The following ADCY2 variants were observed in gnomAD, a reference collection of about 807,000 sequenced individuals.
ADCY2 encodes the protein adenylate cyclase type 2.
In ADCY2, 31 loss-of-function variants were observed where a neutral mutation model predicts 125.2. That is an observed-to-expected ratio of 0.25 (90% CI 0.19 to 0.33). The LOEUF (loss-of-function observed/expected upper bound fraction) is 0.33, where lower values mean the gene tolerates loss of function less well. Among genes scored for constraint, ADCY2 ranks in the 10% least tolerant of loss-of-function variants. The probability of loss-of-function intolerance (pLI) is 1.00; values close to 1 mark genes in which losing one functional copy is unlikely to be tolerated. For missense variants in ADCY2, 904 were observed against 1,418.2 expected (o/e 0.64, Z 5.82); for synonymous variants, 512 against 548.4 (o/e 0.93, Z 0.93).
At chr5:7,743,009 AC>A (rs1742482164) in intron 14 of ADCY2, among the ~76,000 whole-genome samples, 1 of 152,026 alleles carries the variant, frequency 6.6e-6, no homozygotes, top group African/African-American at 2.4e-5. Context: ...TATTTAAGGG[AC>A]CTTTCGGATA....
rs1268091370 is a variant in ADCY2 at position 7,624,499 on chromosome 5, T to G, written c.571-1668T>G. Among the ~76,000 whole-genome samples, 3 of 152,272 alleles carry G rather than the reference T, an allele frequency of 2.0e-5. No homozygotes were observed. In the Middle Eastern group the frequency reaches 0.01, roughly 518 times the overall value. ...GCAGGACATGGAGATGACCACCCACTTCAGGGAGGAAGACCCTGCTTATGG... is the reference window on the plus strand; with the variant it reads ...GCAGGACATGGAGATGACCACCCACGTCAGGGAGGAAGACCCTGCTTATGG... On this transcript the variant is annotated intron_variant, in intron 3 of 24. Coordinates refer to ENST00000338316, the MANE Select transcript of ADCY2 (RefSeq NM_020546.3).
At chr5:7,642,460 C>T (rs1433926267) in intron 4 of ADCY2, among the ~76,000 whole-genome samples, 1 of 151,982 alleles carries the variant, frequency 6.6e-6, no homozygotes, top group Non-Finnish European at 1.5e-5. Context: ...ATAATTTCTC[C>T]CATTCTGTAG....
chr5:7,419,282 G>A (rs1740092581), intron 2 of ADCY2, among the ~76,000 whole-genome samples: 1 of 152,146 alleles, frequency 6.6e-6, no homozygotes, highest in Non-Finnish European at 1.5e-5. Flanking sequence ...ACTTGTGACA[G>A]CCGTTATCGC....
intron 20 of ADCY2, chr5:7,796,721 C>T (rs1480173941): frequency 1.3e-5 from 2 of 152,336 alleles, no homozygotes. Context: ...CCACACAACC[C>T]TCAGGCTCAT....
intron 2 of ADCY2, among the ~76,000 whole-genome samples, chr5:7,516,368 G>A (rs1388407290): frequency 6.6e-6 from 1 of 152,212 alleles, no homozygotes. Flanking sequence ...GTGGGTGTGT[G>A]TTTCTGTAAA....
At chr5:7,670,556 C>A (rs1739900263) in intron 4 of ADCY2, among the ~76,000 whole-genome samples, 1 of 152,178 alleles carries the variant, frequency 6.6e-6, no homozygotes, top group Non-Finnish European at 1.5e-5. Flanking sequence ...CTCAATGGTA[C>A]ATGGAATATG....
At chr5:7,505,295 G>A (rs1482709457) in intron 2 of ADCY2, among the ~76,000 whole-genome samples, 3 of 152,200 alleles carry the variant, frequency 2.0e-5, no homozygotes, top group East Asian at 3.9e-4. Context: ...ATGTCATGTC[G>A]TAAGGGTGTT....
rs181022703 is a variant in ADCY2, at chr5:7,557,605, G to A, written c.570+36706G>A. 5.6e-4 allele frequency among the ~76,000 whole-genome samples: 85 copies of A among 152,212 alleles called. 3 individuals are homozygous for A. The East Asian group carries it at 0.016, about 28-fold the overall frequency. On this transcript the variant is annotated intron_variant, in intron 3 of 24. Transcript: ENST00000338316. ...GTTCTCATTTAGCTCTCAGTTATAA[G>A]TGAGAGCATGAGGTATTTGTTTTTC...
chr5:7,779,405 A>C (rs981343417), intron 18 of ADCY2, among the ~76,000 whole-genome samples: 14 of 152,180 alleles, frequency 9.2e-5, no homozygotes, highest in Admixed American at 2.6e-4. Context: ...TCTAATCATC[A>C]GTTCTTCCAT....
chr5:7,729,930 A>G (rs1385038717), intron 14 of ADCY2, among the ~76,000 whole-genome samples: 1 of 151,782 alleles, frequency 6.6e-6, no homozygotes. Flanking sequence ...GGTTTTTGTT[A>G]CATGGATGAA....
intron 4 of ADCY2, among the ~76,000 whole-genome samples, chr5:7,658,437 A>G (rs554557988): frequency 0.25 from 25,417 of 100,420 alleles, 2,475 homozygotes; most frequent in African/African-American, 0.32. Context: ...GTGTGTATAT[A>G]TATATATATT....
At position 7,709,457 on chromosome 5, in the gene ADCY2, C is replaced by A. The variant is rs980468182; in HGVS notation, c.1578+70C>A. On this transcript the variant is annotated intron_variant, in intron 10 of 24. Coordinates refer to ENST00000338316, the MANE Select transcript of ADCY2 (RefSeq NM_020546.3). This position sits in a 1 kb window ranked among gnomAD's most constrained non-coding sequence, Gnocchi z 4.4. ...TAACTTCCCAAAACCAAAGGCTGGG[C>A]ATCTCCTGCCAAAATAACTCCTTTC... 6.9e-7 allele frequency: 1 copy of A among 1,446,308 alleles called. No individual in the cohort carries two copies. Among genetic ancestry groups the A allele is most frequent in the South Asian group, 1.5e-5 (1 of 67,584 alleles). 89.6% of individuals were successfully genotyped at this position (1,446,308 alleles called of 1,614,324 possible). A position where few individuals can be genotyped will look rare whatever the true frequency, so the allele number is the denominator to read the frequency against.
At chr5:7,411,861 G>A (rs948178259) in intron 1 of ADCY2, among the ~76,000 whole-genome samples, 11 of 152,060 alleles carry the variant, frequency 7.2e-5, no homozygotes, top group African/African-American at 2.2e-4. Context: ...GGATCACGAG[G>A]TCAGGAGATC....
At chr5:7,678,765 G>A (rs968015648) in intron 4 of ADCY2, among the ~76,000 whole-genome samples, 5 of 152,134 alleles carry the variant, frequency 3.3e-5, no homozygotes, top group African/African-American at 7.2e-5. Context: ...TTTCTCAGGC[G>A]AAAGGTCAAG....
At position 7,698,312 on chromosome 5, in the gene ADCY2, A is replaced by G. The variant is rs1260662370; in HGVS notation, c.1047A>G (p.Ile349Met). Reference sequence around the variant, plus strand: ...ACTACTGTGTATCTGGACTCCCTATATCTCTCCCTAACCATGCCAAGAACT... The same window carrying G: ...ACTACTGTGTATCTGGACTCCCTATGTCTCTCCCTAACCATGCCAAGAACT... ...DCYYCVSGLP[I>M]SLPNHAKNCV... The change falls in exon 7 of 25, where the codon ATA becomes ATG. Residue 349 changes from isoleucine to methionine, a missense_variant. Coordinates refer to ENST00000338316, the MANE Select transcript of ADCY2 (RefSeq NM_020546.3). 9.9e-6 allele frequency: 16 copies of G among 1,614,078 alleles called. No individual in the cohort carries two copies. The highest frequency in any genetic ancestry group is 1.4e-5 in the Non-Finnish European group (16 of 1,180,022).
intron 2 of ADCY2, among the ~76,000 whole-genome samples, chr5:7,445,192 C>T (rs1741195358): frequency 6.6e-6 from 1 of 152,188 alleles, no homozygotes; most frequent in African/African-American, 2.4e-5. Flanking sequence ...TAAAGCAGTG[C>T]ACTTTCATGA....
intron 2 of ADCY2, among the ~76,000 whole-genome samples, chr5:7,449,683 A>G (rs1055739243): frequency 6.6e-5 from 10 of 152,212 alleles, no homozygotes; most frequent in African/African-American, 2.4e-4. Context: ...CAGTATAGGC[A>G]CACCTCATGT....
intron 3 of ADCY2, among the ~76,000 whole-genome samples, chr5:7,590,153 G>T (rs1444826963): frequency 1.3e-5 from 2 of 152,142 alleles, no homozygotes; most frequent in Admixed American, 1.3e-4. Context: ...GTCACTTGGG[G>T]AGTCACCGCA....
chr5:7,472,175 G>A (rs1742363810), intron 2 of ADCY2, among the ~76,000 whole-genome samples: 1 of 152,040 alleles, frequency 6.6e-6, no homozygotes, highest in Non-Finnish European at 1.5e-5. Flanking sequence ...GCTTGGTATT[G>A]TTGCACAACT....
Sources: gnomAD v4.1 joint callset for allele counts (sites outside exome capture counted in the v4.1 genomes callset) on GRCh38, gnomAD v4.1.1 for gene constraint, Gnocchi (gnomAD v3.1) non-coding constraint, MANE v1.5 for transcripts, NCBI Gene and HGNC (gene_info 2026-07-23, HGNC 2026-07-21) for gene names.